The following ASRGL1 variants were observed in gnomAD, a reference collection of about 807,000 sequenced individuals.
ASRGL1 encodes the protein asparaginase and isoaspartyl peptidase 1.
In ASRGL1, 16 loss-of-function variants were observed where a neutral mutation model predicts 22.4. That is an observed-to-expected ratio of 0.71 (90% CI 0.48 to 1.08). ASRGL1 has a LOEUF of 1.08. Among genes scored for constraint, ASRGL1 ranks in the 50% least tolerant of loss-of-function variants. The pLI is 0.00. For missense variants in ASRGL1, 412 were observed against 410.1 expected (o/e 1.00, Z -0.04); for synonymous variants, 165 against 159.3 (o/e 1.04, Z -0.27).
chr11:62,373,135 A>G, intron 4 of ASRGL1: 6 of 1,438,878 alleles, frequency 4.2e-6, no homozygotes, highest in Non-Finnish European at 4.9e-6. Flanking sequence ...GAGAAAGAAA[A>G]GATCAAGAAA....
At chr11:62,352,693 G>A (rs750206359) in intron 2 of ASRGL1, among the ~76,000 whole-genome samples, 16 of 152,086 alleles carry the variant, frequency 1.1e-4, no homozygotes, top group Non-Finnish European at 1.8e-4. Flanking sequence ...GGATATTTGC[G>A]GAATAAAGAA....
chr11:62,376,100 C>CAAAA (rs35931241), intron 4 of ASRGL1, among the ~76,000 whole-genome samples: 11 of 51,556 alleles, frequency 2.1e-4, no homozygotes, highest in East Asian at 9.3e-4. Context: ...GACTCCATCT[C>CAAAA]AAAAAAAAAA....
chr11:62,379,331 C>A (rs541953426), intron 4 of ASRGL1, among the ~76,000 whole-genome samples: 3 of 152,310 alleles, frequency 2.0e-5, no homozygotes, highest in Non-Finnish European at 4.4e-5. Context: ...AATGGCCTTA[C>A]ACACAGGTCT....
At position 62,343,918 on chromosome 11, in the gene ASRGL1, C is replaced by CTTT. The variant is rs34446979; in HGVS notation, c.190+5770_190+5772dup. 1.7e-3 allele frequency among the ~76,000 whole-genome samples: 173 copies of CTTT among 100,664 alleles called. 5 individuals carry two copies. The highest frequency in any genetic ancestry group is 7.5e-3 in the Middle Eastern group (1 of 134). 66.0% of individuals were successfully genotyped at this position (100,664 alleles called of 152,430 possible). A position where few individuals can be genotyped will look rare whatever the true frequency, so the allele number is the denominator to read the frequency against. On this transcript the variant is annotated intron_variant, in intron 2 of 6. Transcript: ENST00000415229. ...TCATGTGCTTTTTTGTCATGCATTT[C>CTTT]TTTTTTTTTTTTTTTTTTTTTCTTT...
In ASRGL1 at chr11:62,358,206, T is replaced by A. The variant is rs187446774; in HGVS notation, c.491+1062T>A. Among the ~76,000 whole-genome samples, 3 of 152,084 alleles carry A rather than the reference T, an allele frequency of 2.0e-5. No individual in the cohort carries two copies. The East Asian group carries it at 5.8e-4, about 29-fold the overall frequency. ...CAACACGGTGAAACCCCGTCTCTAC[T>A]AAAGATACAAAAAATTAGCCAGGCA... On this transcript the variant is annotated intron_variant, in intron 4 of 6. Transcript: ENST00000415229.
At chr11:62,385,994 T>G (rs1947191988) in intron 4 of ASRGL1, among the ~76,000 whole-genome samples, 1 of 151,986 alleles carries the variant, frequency 6.6e-6, no homozygotes. Flanking sequence ...AAACCCCATC[T>G]CTACTAAAAA....
chr11:62,387,693 T>C (rs1947247913), intron 4 of ASRGL1, among the ~76,000 whole-genome samples: 2 of 152,198 alleles, frequency 1.3e-5, no homozygotes, highest in Admixed American at 1.3e-4. Context: ...TGCTTCTTTG[T>C]TTTTTTGTTT....
At chr11:62,399,888 C>T in the ASRGL1 span, among the ~76,000 whole-genome samples, 2 of 152,178 alleles carry the variant, frequency 1.3e-5, no homozygotes, top group African/African-American at 4.8e-5. Flanking sequence ...ATCTCAGCAT[C>T]GAGGCTGCCC....
At chr11:62,369,365 T>C (rs569095802) in intron 4 of ASRGL1, among the ~76,000 whole-genome samples, 6 of 152,252 alleles carry the variant, frequency 3.9e-5, no homozygotes, top group Non-Finnish European at 7.3e-5. Context: ...CAGAAGAATA[T>C]TTCTTAGTAC....
intron 4 of ASRGL1, among the ~76,000 whole-genome samples, chr11:62,360,684 TAGTA>T (rs1425050585): frequency 2.6e-5 from 4 of 152,194 alleles, no homozygotes; most frequent in Admixed American, 6.5e-5. Context: ...CAATTAAAAT[TAGTA>T]AGAAAATTAT....
chr11:62,371,833 A>G lies in ASRGL1; in HGVS notation c.491+14689A>G. Reference sequence around the variant, plus strand: ...GCCGGGCGTGGTGGCGGGCTCCTGTAGTCCCAGCTAATCAGGAGGCTGAGG... The same window carrying G: ...GCCGGGCGTGGTGGCGGGCTCCTGTGGTCCCAGCTAATCAGGAGGCTGAGG... On this transcript the variant is annotated intron_variant, in intron 4 of 6. Transcript: ENST00000415229. 4 of 515,544 alleles carry G rather than the reference A, an allele frequency of 7.8e-6. No homozygotes were observed. The South Asian group carries it at 8.1e-5, about 10-fold the overall frequency. 31.9% of individuals were successfully genotyped at this position (515,544 alleles called of 1,614,324 possible).
intron 2 of ASRGL1, among the ~76,000 whole-genome samples, chr11:62,350,311 C>T (rs1389249800): frequency 6.6e-6 from 1 of 152,088 alleles, no homozygotes; most frequent in African/African-American, 2.4e-5. Context: ...TATAGTTGTA[C>T]CACAGTTTAT....
Position 62,388,180 on chromosome 11 carries a change from T to C in ASRGL1, c.492-953T>C, listed in dbSNP as rs148220435. Among the ~76,000 whole-genome samples the C allele has an allele frequency of 1.5e-3, 224 of 152,230 alleles. 1 individual carries two copies. Among genetic ancestry groups the C allele is most frequent in the Non-Finnish European group, 2.6e-3 (176 of 68,016 alleles). Reference sequence around the variant, plus strand: ...TCTAAACATAGAAGTACAGTAAAAATAGAGGATTATAATCTCATGGGACCA... The same window carrying C: ...TCTAAACATAGAAGTACAGTAAAAACAGAGGATTATAATCTCATGGGACCA... On this transcript the variant is annotated intron_variant, in intron 4 of 6. Coordinates refer to ENST00000415229, the MANE Select transcript of ASRGL1 (RefSeq NM_001083926.2).
chr11:62,371,443 T>G, intron 4 of ASRGL1: 3 of 584,706 alleles, frequency 5.1e-6, no homozygotes, highest in Non-Finnish European at 6.0e-6. Flanking sequence ...GTGCTGTGTT[T>G]ACTCAAGGTT....
intron 4 of ASRGL1, chr11:62,371,579 A>G (rs1221294982): frequency 7.3e-6 from 5 of 688,730 alleles, no homozygotes; most frequent in African/African-American, 1.8e-5. Context: ...GCGGAAGGCC[A>G]CAGGGACTTC....
intron 2 of ASRGL1, among the ~76,000 whole-genome samples, chr11:62,347,715 G>A (rs1213754142): frequency 6.6e-6 from 1 of 152,108 alleles, no homozygotes; most frequent in Non-Finnish European, 1.5e-5. Context: ...GCTAAGGTGG[G>A]TGGGTCACAT....
intron 4 of ASRGL1, chr11:62,371,346 G>T: frequency 1.0e-6 from 1 of 968,564 alleles, no homozygotes; most frequent in South Asian, 1.7e-5. Flanking sequence ...AGCGCGCGGC[G>T]CAGCCTGTGG....
chr11:62,401,090 G>A, the ASRGL1 span, among the ~76,000 whole-genome samples: 9 of 152,232 alleles, frequency 5.9e-5, no homozygotes, highest in Non-Finnish European at 1.2e-4. Context: ...CAGGGCAGCC[G>A]AACTCCAGAG....
chr11:62,375,062 G>A (rs2134666350), intron 4 of ASRGL1, among the ~76,000 whole-genome samples: 1 of 151,980 alleles, frequency 6.6e-6, no homozygotes, highest in Admixed American at 6.6e-5. Flanking sequence ...TAGATCTTCG[G>A]TGGCCTCATG....
Sources: allele counts gnomAD v4.1 joint callset (sites outside exome capture counted in the v4.1 genomes callset), GRCh38; gene constraint gnomAD v4.1.1; transcripts MANE v1.5; gene names NCBI Gene and HGNC (gene_info 2026-07-23, HGNC 2026-07-21).